SPATA9: variants seen among roughly 807,000 people sequenced by gnomAD.
SPATA9 encodes spermatogenesis associated 9.
Under a neutral mutation model 25.5 loss-of-function variants are expected in SPATA9, and 27 were observed. That is an observed-to-expected ratio of 1.06 (90% CI 0.78 to 1.46). SPATA9 has a LOEUF of 1.46. Among genes scored for constraint, SPATA9 ranks in the 40% most tolerant of loss-of-function variants. SPATA9 has a pLI of 0.00. For synonymous variants in SPATA9, 102 were observed against 105.7 expected (o/e 0.97, Z 0.21); for missense variants, 282 against 297.5 (o/e 0.95, Z 0.38).
intron 1 of SPATA9, among the ~76,000 whole-genome samples, chr5:95,692,562 A>C (rs1753919828): frequency 2.0e-5 from 3 of 152,028 alleles, no homozygotes; most frequent in Admixed American, 2.0e-4. Flanking sequence ...GAAGAATTTA[A>C]GGTTAAGTAC....
At chr5:95,713,920 A>G in the SPATA9 span, among the ~76,000 whole-genome samples, 1 of 152,154 alleles carries the variant, frequency 6.6e-6, no homozygotes, top group Non-Finnish European at 1.5e-5. Context: ...ATGTGCATAT[A>G]TATATATAAT....
intron 3 of SPATA9, among the ~76,000 whole-genome samples, chr5:95,664,342 A>G (rs1170855551): frequency 1.3e-5 from 2 of 152,198 alleles, no homozygotes; most frequent in Non-Finnish European, 2.9e-5. Flanking sequence ...GCTGCTGTGC[A>G]TATTAGAAAA....
At chr5:95,671,568 C>A (rs1321537274) in intron 3 of SPATA9, among the ~76,000 whole-genome samples, 1 of 152,064 alleles carries the variant, frequency 6.6e-6, no homozygotes, top group Admixed American at 6.6e-5. Context: ...TGCCATCACG[C>A]CCAGCTAATG....
chr5:95,675,841 T>TTTA (rs1752888679), intron 2 of SPATA9, among the ~76,000 whole-genome samples: 1 of 106,984 alleles, frequency 9.3e-6, no homozygotes, highest in African/African-American at 3.4e-5. Context: ...TTTTTTTTTT[T>TTTA]ATGGAATTTC....
chr5:95,718,540 A>G, the SPATA9 span, among the ~76,000 whole-genome samples: 1 of 152,212 alleles, frequency 6.6e-6, no homozygotes, highest in Non-Finnish European at 1.5e-5. Flanking sequence ...CAAGTTAGAG[A>G]CAGGGGTAAG....
chr5:95,653,948 T>G (rs181190139), downstream of SPATA9: 320 of 676,836 alleles, frequency 4.7e-4, no homozygotes, highest in Non-Finnish European at 7.4e-4. Context: ...CTACAGAAAG[T>G]GCCTCCATTA....
intron 2 of SPATA9, among the ~76,000 whole-genome samples, chr5:95,675,910 C>G (rs1248459369): frequency 6.7e-6 from 1 of 150,366 alleles, no homozygotes; most frequent in Admixed American, 6.7e-5. Flanking sequence ...CAACCTCTGC[C>G]TCCCAGGTTC....
the SPATA9 span, among the ~76,000 whole-genome samples, chr5:95,729,072 AC>A: frequency 4.1e-4 from 62 of 152,082 alleles, 1 homozygote; most frequent in East Asian, 0.011. Flanking sequence ...TGAATAATCC[AC>A]CCCTTGTTTA....
chr5:95,659,162 C>T (rs1336123344), intron 4 of SPATA9: 1 of 359,366 alleles, frequency 2.8e-6, no homozygotes, highest in Non-Finnish European at 4.9e-6. Flanking sequence ...TACATCTTTT[C>T]CCCCCAATTC....
At chr5:95,728,593 T>C in the SPATA9 span, among the ~76,000 whole-genome samples, 1 of 152,200 alleles carries the variant, frequency 6.6e-6, no homozygotes. Flanking sequence ...TGCCTAGGCC[T>C]AGGTCTAGGA....
At chr5:95,722,559 C>T in the SPATA9 span, among the ~76,000 whole-genome samples, 2 of 152,050 alleles carry the variant, frequency 1.3e-5, no homozygotes, top group Non-Finnish European at 2.9e-5. Context: ...GGCGTGACCT[C>T]GGCTCACGCA....
At chr5:95,665,630 C>T (rs950688977) in intron 3 of SPATA9, among the ~76,000 whole-genome samples, 3 of 150,836 alleles carry the variant, frequency 2.0e-5, no homozygotes, top group Non-Finnish European at 4.4e-5. Flanking sequence ...TGGTTGGACA[C>T]GTAGGTTGAT....
intron 3 of SPATA9, among the ~76,000 whole-genome samples, chr5:95,667,112 A>G (rs1751885601): frequency 1.3e-5 from 2 of 152,300 alleles, no homozygotes; most frequent in South Asian, 4.1e-4. Flanking sequence ...TATATTTTCT[A>G]TGTTAGGTTG....
intron 1 of SPATA9, among the ~76,000 whole-genome samples, chr5:95,689,521 T>G (rs1285344840): frequency 6.6e-6 from 1 of 152,186 alleles, no homozygotes; most frequent in African/African-American, 2.4e-5. Flanking sequence ...TGGAGTGAAT[T>G]TAAAACACAG....
chr5:95,708,866 A>G, the SPATA9 span: 2 of 511,046 alleles, frequency 3.9e-6, no homozygotes, highest in Non-Finnish European at 7.0e-6. Flanking sequence ...AGGAAGGAGT[A>G]GGAAGGCACG....
upstream of SPATA9, among the ~76,000 whole-genome samples, chr5:95,685,373 A>T (rs1239717962): frequency 6.6e-6 from 1 of 152,318 alleles, no homozygotes; most frequent in Admixed American, 6.5e-5. Flanking sequence ...AACAGAGATG[A>T]AGTCATACTC....
the SPATA9 span, among the ~76,000 whole-genome samples, chr5:95,718,792 A>T: frequency 6.6e-6 from 1 of 152,224 alleles, no homozygotes; most frequent in Admixed American, 6.5e-5. Context: ...ATGAAATCTC[A>T]GTTGGATAGG....
chr5:95,687,852 G>A (rs1031748217), upstream of SPATA9, among the ~76,000 whole-genome samples: 3 of 152,156 alleles, frequency 2.0e-5, no homozygotes, highest in Non-Finnish European at 4.4e-5. Context: ...TCTTTGTTTT[G>A]TTCGAGGGTG....
At chr5:95,709,896 T>C in the SPATA9 span, among the ~76,000 whole-genome samples, 2 of 152,198 alleles carry the variant, frequency 1.3e-5, no homozygotes, top group Non-Finnish European at 2.9e-5. Flanking sequence ...CTGTTAGGCT[T>C]TGAAGATGGG....
Sources: allele counts gnomAD v4.1 joint callset (sites outside exome capture counted in the v4.1 genomes callset), GRCh38; gene constraint gnomAD v4.1.1; transcripts MANE v1.5; gene names NCBI Gene and HGNC (gene_info 2026-07-23, HGNC 2026-07-21).